Variants in DNAH7 observed in about 807,000 individuals in gnomAD.
DNAH7 encodes the protein axonemal beta dynein heavy chain 7.
DNAH7 carries 397 observed loss-of-function variants against 444.6 expected under a neutral mutation model. That is an observed-to-expected ratio of 0.89 (90% confidence interval 0.82 to 0.97). DNAH7 has a LOEUF of 0.97. Ranked by LOEUF, DNAH7 falls within the 50% of genes least tolerant of loss-of-function variation. The pLI, the probability that DNAH7 is intolerant of heterozygous loss-of-function variation, is 0.00. For missense variants in DNAH7, 4,902 were observed against 4,800.8 expected, an observed-to-expected ratio of 1.02 and a Z score of -0.62; for synonymous variants, 1,636 against 1,624.4, an observed-to-expected ratio of 1.01 and a Z score of -0.17.
chr2:195,761,035 T>C (rs1574389739), intron 61 of DNAH7, among the ~76,000 whole-genome samples: 1 of 151,992 alleles, frequency 6.6e-6, no homozygotes, highest in East Asian at 1.9e-4. Context: ...ATATGTGACC[T>C]TGCAGACAGA....
chr2:195,880,741 T>C (rs866375071), intron 36 of DNAH7, among the ~76,000 whole-genome samples: 19 of 152,178 alleles, frequency 1.2e-4, no homozygotes, highest in Middle Eastern at 3.2e-3. Flanking sequence ...AATCATCTTG[T>C]AGAAGAATAA....
At chr2:195,838,473 CAG>C (rs1168630785) in intron 47 of DNAH7, among the ~76,000 whole-genome samples, 1 of 151,162 alleles carries the variant, frequency 6.6e-6, no homozygotes, top group Admixed American at 6.6e-5. Context: ...GAAAAAAAAA[CAG>C]AAAGGATAAT....
chr2:195,869,769 C>T (rs1700567508), intron 40 of DNAH7, among the ~76,000 whole-genome samples: 1 of 152,160 alleles, frequency 6.6e-6, no homozygotes, highest in African/African-American at 2.4e-5. Context: ...AAGAGGAACA[C>T]ATCCCAGATC....
intron 5 of DNAH7, among the ~76,000 whole-genome samples, chr2:196,028,827 A>G (rs1423761834): frequency 6.6e-6 from 1 of 152,186 alleles, no homozygotes; most frequent in East Asian, 1.9e-4. Context: ...CTGCCCAGTG[A>G]GGGGAGACTC....
At position 195,923,703 on chromosome 2, in the gene DNAH7, A is replaced by T; in HGVS notation, c.3717T>A (p.Leu1239=). Residue 1239 remains leucine, a synonymous_variant, in exon 23 of 65, where the codon CTT becomes CTA. Transcript: ENST00000312428. The part of the protein sequence containing the change: ...SMQNRVTLGA[L]VVLDVHARDV... The stretch of plus-strand genomic sequence containing the variant: ...CTCTAGCATGGACATCCAGTACCAC[A>T]AGTGCTCCCAGAGTTACGCGATTCT... 6.2e-6 allele frequency: 10 copies of T among 1,614,154 alleles called. No homozygotes were observed. The highest frequency in any genetic ancestry group is 8.5e-6 in the Non-Finnish European group (10 of 1,180,008).
intron 10 of DNAH7, among the ~76,000 whole-genome samples, chr2:196,007,255 G>C (rs1694434031): frequency 6.6e-6 from 1 of 152,098 alleles, no homozygotes; most frequent in Non-Finnish European, 1.5e-5. Flanking sequence ...ACAGAATAGA[G>C]AGCCCAGAAA....
chr2:195,806,984 AAATAAT>A (rs1018355444), intron 53 of DNAH7, 152 bp from the exon 54 acceptor site: 87 of 560,256 alleles, frequency 1.6e-4, no homozygotes, highest in South Asian at 9.5e-4. Flanking sequence ...ATTATAAAAT[AAATAAT>A]AATAAGAAAA....
chr2:195,923,798 G>T lies in DNAH7; in HGVS notation c.3622C>A (p.Gln1208Lys). 1 of 1,613,762 alleles carries T rather than the reference G, an allele frequency of 6.2e-7. No homozygotes were observed. The highest frequency in any genetic ancestry group is 1.1e-5 in the South Asian group (1 of 91,044). The change falls in exon 23 of 65, where the codon CAA becomes AAA. Residue 1208 changes from glutamine to lysine, a missense_variant. Transcript: ENST00000312428. ...TGTCTGTTACATGTTTTCAAGTATT[G>T]CTCAAGAGCCTGAAAGAAAAGAAAA... The part of the protein sequence containing the change: ...AIPMGIKALE[Q>K]YLKTCNRQID...
Position 195,960,489 on chromosome 2 carries a change from A to T in DNAH7, c.2662T>A (p.Phe888Ile), listed in dbSNP as rs1691015801. The part of the protein sequence containing the change: ...DMNLEPYIDR[F>I]EGISEAASKE... The stretch of plus-strand genomic sequence containing the variant: ...CTAGCTGCTTCACTAATACCTTCAA[A>T]TCGGTCTATATATGGTTCCAGATTC... Residue 888 changes from phenylalanine to isoleucine, a missense_variant, in exon 18 of 65, where the codon TTT (phenylalanine) becomes ATT (isoleucine). By Grantham distance (21) the Phe-to-Ile change is conservative (BLOSUM62 0). Transcript: ENST00000312428. The T allele has an allele frequency of 1.2e-6, 2 of 1,614,142 alleles. No individual in the cohort carries two copies. Among genetic ancestry groups the T allele is most frequent in the East Asian group, 4.5e-5 (2 of 44,880 alleles).
chr2:195,787,821 C>A (rs1695697599), intron 57 of DNAH7, among the ~76,000 whole-genome samples: 1 of 152,076 alleles, frequency 6.6e-6, no homozygotes, highest in Admixed American at 6.5e-5. Context: ...AGTGAAGTCG[C>A]CACACTCCTC....
intron 19 of DNAH7, among the ~76,000 whole-genome samples, chr2:195,941,884 G>T (rs891403216): frequency 6.6e-6 from 1 of 152,064 alleles, no homozygotes; most frequent in African/African-American, 2.4e-5. Flanking sequence ...GCCTAAAATT[G>T]AGTTTTCAGA....
At chr2:195,858,911 C>G in intron 42 of DNAH7, 107 bp from the exon 43 acceptor site, 1 of 880,736 alleles carries the variant, frequency 1.1e-6, no homozygotes, top group Non-Finnish European at 1.7e-6. Flanking sequence ...GACATAACTA[C>G]GGAGTGGTCT....
At chr2:195,826,349 G>C (rs1187369209) in intron 48 of DNAH7, among the ~76,000 whole-genome samples, 2 of 152,150 alleles carry the variant, frequency 1.3e-5, no homozygotes, top group Non-Finnish European at 2.9e-5. Context: ...TGCTGGCACT[G>C]TATTTTCTTG....
At chr2:195,841,351 A>G (rs1698673759) in intron 47 of DNAH7, among the ~76,000 whole-genome samples, 1 of 151,808 alleles carries the variant, frequency 6.6e-6, no homozygotes, top group South Asian at 2.1e-4. Flanking sequence ...TAATAACTAT[A>G]TCAAACTTAT....
chr2:195,928,043 ATAGT>A (rs1289752831), intron 21 of DNAH7, among the ~76,000 whole-genome samples: 9 of 152,090 alleles, frequency 5.9e-5, no homozygotes, highest in Non-Finnish European at 1.3e-4. Context: ...ATAGTGCCCA[ATAGT>A]TAGTTTTTAA....
chr2:195,870,736 C>T (rs562652412), intron 40 of DNAH7, among the ~76,000 whole-genome samples: 14 of 152,304 alleles, frequency 9.2e-5, no homozygotes, highest in African/African-American at 3.1e-4. Context: ...TGAGAAGGCA[C>T]CACCTATAAC....
At chr2:195,929,000 G>A (rs992699412) in intron 21 of DNAH7, among the ~76,000 whole-genome samples, 1 of 151,976 alleles carries the variant, frequency 6.6e-6, no homozygotes, top group African/African-American at 2.4e-5. Context: ...AAGACTCCTG[G>A]AGCTGATAAA....
chr2:195,952,201 G>T (rs1690306592), intron 19 of DNAH7, among the ~76,000 whole-genome samples: 1 of 152,114 alleles, frequency 6.6e-6, no homozygotes, highest in Admixed American at 6.5e-5. Flanking sequence ...GCTTAGTTTG[G>T]CTGGATATAA....
chr2:195,906,763 G>C lies in DNAH7; in HGVS notation c.4231C>G (p.Leu1411Val), dbSNP rs763687631. 4 of 1,613,280 alleles carry C rather than the reference G, an allele frequency of 2.5e-6. No individual in the cohort carries two copies. In the Admixed American group the frequency reaches 6.7e-5, roughly 27 times the overall value. ...QRGINAGADI[L>V]MFEGTELKLD... ...TTTAGTTCAGTTCCTTCAAACATCA[G>C]TATATCAGCACCTGCATTAATACCT... The change falls in exon 27 of 65, where the codon CTG becomes GTG. Residue 1411 changes from leucine (L) to valine (V), a missense_variant. Transcript: ENST00000312428.
Sources: gnomAD v4.1 joint callset for allele counts (sites outside exome capture counted in the v4.1 genomes callset) on GRCh38, gnomAD v4.1.1 for gene constraint, MANE v1.5 for transcripts, NCBI Gene and HGNC (gene_info 2026-07-23, HGNC 2026-07-21) for gene names.